OR7C1: variants seen among roughly 807,000 people sequenced by gnomAD.
The protein encoded by OR7C1 is olfactory receptor family 7 subfamily C member 1.
For missense variants in OR7C1, 324 were observed against 383.3 expected (o/e 0.85, Z 1.29); for synonymous variants, 152 against 160.7 (o/e 0.95, Z 0.41).
chr19:14,833,205 A>G (rs549894318), intron 1 of OR7C1, among the ~76,000 whole-genome samples: 2 of 152,372 alleles, frequency 1.3e-5, no homozygotes, highest in Non-Finnish European at 2.9e-5. Context: ...TCGGCCAGGT[A>G]CGGTGGCTCA....
chr19:14,822,109 C>T (rs923839467), intron 1 of OR7C1, among the ~76,000 whole-genome samples: 4 of 152,140 alleles, frequency 2.6e-5, no homozygotes, highest in South Asian at 2.1e-4. Flanking sequence ...CATTCTTTGG[C>T]GGACACTGAG....
intron 2 of OR7C1, among the ~76,000 whole-genome samples, chr19:14,801,111 G>A (rs2044639746): frequency 6.6e-6 from 1 of 152,170 alleles, no homozygotes; most frequent in South Asian, 2.1e-4. Flanking sequence ...TAATATTTGA[G>A]TAGCAATGGT....
In OR7C1 at chr19:14,820,471, C is replaced by T. The variant is rs555002827; in HGVS notation, c.-622-10478G>A. On this transcript the variant is annotated intron_variant, in intron 1 of 4. Transcript: ENST00000641666. ...CATGAGGGGCTTAAAACCTAGATGA[C>T]GGGTTGACAGGTGCAGCAAACCACC... 1.8e-3 allele frequency among the ~76,000 whole-genome samples: 276 copies of T among 151,926 alleles called. 1 individual carries two copies. Among genetic ancestry groups the T allele is most frequent in the Non-Finnish European group, 2.8e-3 (189 of 67,992 alleles).
rs892245872 is a variant in OR7C1, at chr19:14,808,060, T to C, written c.-435+1746A>G. 5.3e-5 allele frequency among the ~76,000 whole-genome samples: 8 copies of C among 149,634 alleles called. 1 individual carries two copies. The highest frequency in any genetic ancestry group is 2.0e-4 in the African/African-American group (8 of 40,178). ...AATGCAAATTAAAACCACGATGAGA[T>C]ACCATCTTACACCAGTCAGAATGGT... On this transcript the variant is annotated intron_variant, in intron 2 of 4. Transcript: ENST00000641666.
chr19:14,833,448 C>T (rs924171281), intron 1 of OR7C1, among the ~76,000 whole-genome samples: 1 of 152,296 alleles, frequency 6.6e-6, no homozygotes, highest in Admixed American at 6.5e-5. Flanking sequence ...CACTGCATTC[C>T]ATCCTGGTTG....
At chr19:14,807,844 C>A (rs553575175) in intron 2 of OR7C1, among the ~76,000 whole-genome samples, 1 of 150,884 alleles carries the variant, frequency 6.6e-6, no homozygotes, top group Admixed American at 6.6e-5. Context: ...TGCAGTGAGC[C>A]GAGATTGTGC....
At chr19:14,799,548 C>A (rs1049317748) in exon 5 of OR7C1, 1 of 1,614,164 alleles carries the variant, frequency 6.2e-7, no homozygotes, top group Non-Finnish European at 8.5e-7. Context: ...TATATCACCA[C>A]GTTATTAATG....
intron 1 of OR7C1, among the ~76,000 whole-genome samples, chr19:14,814,238 A>G (rs926397447): frequency 5.9e-5 from 9 of 152,220 alleles, no homozygotes; most frequent in Non-Finnish European, 1.2e-4. Flanking sequence ...GAGTGAAAAG[A>G]CAACCTATGG....
intron 2 of OR7C1, among the ~76,000 whole-genome samples, chr19:14,808,111 A>AC (rs202217104): frequency 4.0e-5 from 6 of 151,130 alleles, no homozygotes; most frequent in Non-Finnish European, 7.4e-5. Context: ...AAAAAAAAAA[A>AC]AACAACAACA....
intron 2 of OR7C1, among the ~76,000 whole-genome samples, chr19:14,805,616 A>G (rs546780115): frequency 6.6e-6 from 1 of 151,366 alleles, no homozygotes; most frequent in Non-Finnish European, 1.5e-5. Context: ...GAGTTTTGCC[A>G]TGTGCCCAGG....
intron 1 of OR7C1, chr19:14,827,307 C>T (rs2044777388): frequency 6.4e-7 from 1 of 1,554,810 alleles, no homozygotes; most frequent in Non-Finnish European, 8.7e-7. Flanking sequence ...GAAAAATTGC[C>T]CTTTCATTGT....
chr19:14,834,478 G>A (rs559677162), intron 1 of OR7C1, among the ~76,000 whole-genome samples: 16 of 152,110 alleles, frequency 1.1e-4, no homozygotes, highest in Non-Finnish European at 1.9e-4. Flanking sequence ...ATTCAGCCAC[G>A]CAAGTGAGGA....
chr19:14,834,218 T>C (rs554830308), intron 1 of OR7C1, among the ~76,000 whole-genome samples: 1 of 152,276 alleles, frequency 6.6e-6, no homozygotes, highest in South Asian at 2.1e-4. Context: ...GCTGAGATCA[T>C]GCTACTGCAT....
chr19:14,824,888 AT>A (rs1429551298), intron 1 of OR7C1: 1 of 152,232 alleles, frequency 6.6e-6, no homozygotes, highest in Non-Finnish European at 1.5e-5. Flanking sequence ...AGAGAGAGGA[AT>A]AAAAAATGCT....
At chr19:14,814,586 G>A (rs1198224988) in intron 1 of OR7C1, among the ~76,000 whole-genome samples, 2 of 152,056 alleles carry the variant, frequency 1.3e-5, no homozygotes, top group Non-Finnish European at 2.9e-5. Flanking sequence ...ACCATGCCCA[G>A]CTAATTTTTG....
intron 1 of OR7C1, among the ~76,000 whole-genome samples, chr19:14,821,064 C>T (rs752139450): frequency 2.0e-5 from 3 of 152,066 alleles, no homozygotes; most frequent in Non-Finnish European, 4.4e-5. Context: ...ATGGTGAAAC[C>T]CTGTCTCTAC....
At chr19:14,831,278 T>C (rs8109910) in intron 1 of OR7C1, among the ~76,000 whole-genome samples, 29,312 of 152,008 alleles carry the variant, frequency 0.19, 3,481 homozygotes, top group African/African-American at 0.33. Flanking sequence ...ATACAAACAA[T>C]GACAAGATTT....
chr19:14,829,419 T>A (rs971369984), intron 1 of OR7C1, among the ~76,000 whole-genome samples: 7 of 152,308 alleles, frequency 4.6e-5, no homozygotes, highest in Non-Finnish European at 1.0e-4. Flanking sequence ...GTCAGGCTGG[T>A]CTTGAACTCC....
chr19:14,810,613 C>T (rs1457607782), intron 1 of OR7C1, among the ~76,000 whole-genome samples: 2 of 150,598 alleles, frequency 1.3e-5, no homozygotes, highest in Non-Finnish European at 2.9e-5. Flanking sequence ...TCTCAATCTC[C>T]TGACCTCATG....
Sources: allele counts gnomAD v4.1 joint callset (sites outside exome capture counted in the v4.1 genomes callset), GRCh38; gene constraint gnomAD v4.1.1; transcripts MANE v1.5; gene names NCBI Gene and HGNC (gene_info 2026-07-23, HGNC 2026-07-21).